Variants in FUBP1 observed in about 807,000 individuals in gnomAD.
The protein encoded by FUBP1 is far upstream element-binding protein 1.
Under a neutral mutation model 94.9 loss-of-function variants are expected in FUBP1, and 16 were observed. That is an observed-to-expected ratio of 0.17 (90% CI 0.11 to 0.26). FUBP1 has a LOEUF of 0.26. Ranked by LOEUF, FUBP1 falls within the 10% of genes least tolerant of loss-of-function variation. The pLI is 1.00. For missense variants in FUBP1, 583 were observed against 808.6 expected (o/e 0.72, Z 3.38); for synonymous variants, 279 against 254.9 (o/e 1.09, Z -0.90).
In FUBP1 at chr1:77,947,849, T is replaced by C. The variant is rs1431164676; in HGVS notation, c.*917A>G. ...TTCAATGGCAGATGCAATGTAGCTATACTTTTTGCACACTATTCACTTTTC... is the reference window on the plus strand; with the variant it reads ...TTCAATGGCAGATGCAATGTAGCTACACTTTTTGCACACTATTCACTTTTC... On this transcript the variant is annotated 3_prime_UTR_variant, in exon 20 of 20. Transcript: ENST00000370768. The C allele has an allele frequency of 8.9e-7, 1 of 1,127,412 alleles. No individual in the cohort carries two copies. 69.8% of individuals were successfully genotyped at this position (1,127,412 alleles called of 1,614,324 possible).
At position 77,979,029 on chromosome 1, in the gene FUBP1, G is replaced by T. The variant is rs1475479900; in HGVS notation, c.-25C>A. ...TGGTTGCACTATAAGAGCCGCTGCCGCCTGTTCAGAGACTTCCTCTCAGCT... is the reference window on the plus strand; with the variant it reads ...TGGTTGCACTATAAGAGCCGCTGCCTCCTGTTCAGAGACTTCCTCTCAGCT... On this transcript the variant is annotated 5_prime_UTR_variant, in exon 1 of 20. Coordinates refer to ENST00000370768, the MANE Select transcript of FUBP1 (RefSeq NM_003902.5). 1.3e-6 allele frequency: 2 copies of T among 1,589,172 alleles called. No homozygotes were observed. The highest frequency in any genetic ancestry group is 2.3e-5 in the East Asian group (1 of 44,106).
At chr1:77,958,074 T>C (rs1489188477) in intron 16 of FUBP1, among the ~76,000 whole-genome samples, 3 of 152,164 alleles carry the variant, frequency 2.0e-5, no homozygotes, top group South Asian at 2.1e-4. Flanking sequence ...TCACAGGTTT[T>C]AGCCATGGCG....
chr1:77,969,128 G>T, intron 2 of FUBP1: 1 of 711,120 alleles, frequency 1.4e-6, no homozygotes, highest in Non-Finnish European at 2.1e-6. Flanking sequence ...AACATCTGAA[G>T]CATCATTAGC....
Position 77,964,656 on chromosome 1 carries a change from T to A in FUBP1, c.827A>T (p.Glu276Val), listed in dbSNP as rs1181030736. The change falls in exon 10 of 20, where the codon GAA (glutamate) becomes GTA (valine). Residue 276 changes from glutamate (E) to valine (V), a missense_variant. Physicochemically the swap from Glu to Val is moderately radical, Grantham distance 121 (BLOSUM62 -2). Transcript: ENST00000370768. ...NEYGSRIGGN[E>V]GIDVPIPRFA... ...GGTATTTTTACTTACATCTATCCCT[T>A]CATTTCCTCCTATTCTTGACCCATA... 2.5e-6 allele frequency: 4 copies of A among 1,577,922 alleles called. No homozygotes were observed. Among genetic ancestry groups the A allele is most frequent in the Non-Finnish European group, 3.5e-6 (4 of 1,147,216 alleles).
At position 77,948,090 on chromosome 1, in the gene FUBP1, T is replaced by A; in HGVS notation, c.*676A>T. 9.7e-7 allele frequency: 1 copy of A among 1,033,548 alleles called. No homozygotes were observed. The highest frequency in any genetic ancestry group is 6.1e-5 in the East Asian group (1 of 16,492). 64.0% of individuals were successfully genotyped at this position (1,033,548 alleles called of 1,614,324 possible). A position where few individuals can be genotyped will look rare whatever the true frequency, so the allele number is the denominator to read the frequency against. On this transcript the variant is annotated 3_prime_UTR_variant, in exon 20 of 20. Transcript: ENST00000370768. Reference sequence around the variant, plus strand: ...CAGTACAGGTCTGAAACAGTGGTCATGTATAAAAGGAAATTTCACTGTTAA... The same window carrying A: ...CAGTACAGGTCTGAAACAGTGGTCAAGTATAAAAGGAAATTTCACTGTTAA...
intron 18 of FUBP1, among the ~76,000 whole-genome samples, chr1:77,950,308 CACCA>C (rs1352553957): frequency 6.6e-6 from 1 of 152,102 alleles, no homozygotes; most frequent in Non-Finnish European, 1.5e-5. Context: ...ACTACAGGCC[CACCA>C]TGCCTAGCTG....
chr1:77,959,447 T>C (rs567811268), intron 16 of FUBP1, among the ~76,000 whole-genome samples: 1 of 152,318 alleles, frequency 6.6e-6, no homozygotes, highest in South Asian at 2.1e-4. Flanking sequence ...TGAGGAGTAC[T>C]AGAACAGATA....
intron 18 of FUBP1, among the ~76,000 whole-genome samples, chr1:77,951,311 G>A (rs1653420532): frequency 6.6e-6 from 1 of 152,214 alleles, no homozygotes; most frequent in Admixed American, 6.5e-5. Context: ...TATCCCTGTG[G>A]AAAGCTAATA....
At chr1:77,967,236 G>A (rs1571324151) in intron 4 of FUBP1, 135 bp from the exon 5 acceptor site, 1 of 582,298 alleles carries the variant, frequency 1.7e-6, no homozygotes, top group Non-Finnish European at 3.0e-6. Context: ...TCAGACTCAT[G>A]TCAAAAAATA....
intron 1 of FUBP1, 77 bp from the exon 2 acceptor site, chr1:77,970,092 G>A (rs1657234424): frequency 3.2e-6 from 2 of 629,452 alleles, no homozygotes; most frequent in Non-Finnish European, 5.3e-6. Context: ...TTTACTTCCT[G>A]ATACATGTAT....
At chr1:77,964,221 G>A (rs781279542) in intron 11 of FUBP1, 33 bp downstream of exon 11, 2 of 1,533,760 alleles carry the variant, frequency 1.3e-6, no homozygotes, top group Non-Finnish European at 1.8e-6. Context: ...ACTCACTGCT[G>A]CCAACACTTA....
Position 77,949,165 on chromosome 1 carries a change from G to T in FUBP1, c.1916C>A (p.Pro639Gln). 6.2e-7 allele frequency: 1 copy of T among 1,612,590 alleles called. No homozygotes were observed. Among genetic ancestry groups the T allele is most frequent in the Non-Finnish European group, 8.5e-7 (1 of 1,178,894 alleles). ...TSPQGMPQHP[P>Q]APQGQ The stretch of plus-strand genomic sequence containing the variant: ...GCAATTACATTATACCTGAGGTGCT[G>T]GAGGATGCTGTGGCATTCCCTGGGG... The change falls in exon 19 of 20, where the codon CCA becomes CAA. Residue 639 changes from proline (P) to glutamine (Q), a missense_variant. Pro to Gln is a moderately conservative substitution (Grantham distance 76). Coordinates refer to ENST00000370768, the MANE Select transcript of FUBP1 (RefSeq NM_003902.5).
intron 18 of FUBP1, among the ~76,000 whole-genome samples, chr1:77,954,222 C>T (rs1654025617): frequency 6.6e-6 from 1 of 152,230 alleles, no homozygotes; most frequent in African/African-American, 2.4e-5. Context: ...TTATTAATAG[C>T]ATCCCTATTC....
chr1:77,968,660 A>G (rs1457466819), intron 2 of FUBP1, among the ~76,000 whole-genome samples: 1 of 151,838 alleles, frequency 6.6e-6, no homozygotes, highest in Non-Finnish European at 1.5e-5. Flanking sequence ...AAAAAACAAA[A>G]AAACCCCCCA....
chr1:77,977,355 CAAACAAAA>C (rs1187500676), intron 1 of FUBP1, among the ~76,000 whole-genome samples: 1 of 151,712 alleles, frequency 6.6e-6, no homozygotes, highest in Non-Finnish European at 1.5e-5. Flanking sequence ...AACAAACAAA[CAAACAAAA>C]AAAACACAAA....
intron 1 of FUBP1, among the ~76,000 whole-genome samples, chr1:77,976,396 T>C (rs953051460): frequency 6.6e-6 from 1 of 152,226 alleles, no homozygotes; most frequent in East Asian, 1.9e-4. Flanking sequence ...TCAGGACAAC[T>C]GATCTATTAG....
chr1:77,946,855 C>A lies in FUBP1; in HGVS notation c.*1911G>T, dbSNP rs1169614090. 3 of 204,042 alleles carry A rather than the reference C, an allele frequency of 1.5e-5. No individual in the cohort carries two copies. The highest frequency in any genetic ancestry group is 7.5e-5 in the East Asian group (1 of 13,272). The allele number at this position is 204,042 out of a possible 1,614,324, so 12.6% of individuals were successfully genotyped here. On this transcript the variant is annotated 3_prime_UTR_variant, in exon 20 of 20. Transcript: ENST00000370768. ...TCATACTAGAACTATATATGCAGAT[C>A]TAAATAAGGGTAAGGGAAGTCACTC...
Position 77,948,488 on chromosome 1 carries a change from A to G in FUBP1, c.*278T>C, listed in dbSNP as rs1652642321. On this transcript the variant is annotated 3_prime_UTR_variant, in exon 20 of 20. Transcript: ENST00000370768. The stretch of plus-strand genomic sequence containing the variant: ...CATTGAAAAAGTACATTTATATCAC[A>G]AAGCATCAACCACATAATTGCAAAT... 1 of 1,214,764 alleles carries G rather than the reference A, an allele frequency of 8.2e-7. No individual in the cohort carries two copies. The highest frequency in any genetic ancestry group is 1.0e-6 in the Non-Finnish European group (1 of 973,774). 75.2% of individuals were successfully genotyped at this position (1,214,764 alleles called of 1,614,324 possible). A position where few individuals can be genotyped will look rare whatever the true frequency, so the allele number is the denominator to read the frequency against.
chr1:77,973,854 A>T (rs988290365), intron 1 of FUBP1, among the ~76,000 whole-genome samples: 2 of 151,916 alleles, frequency 1.3e-5, no homozygotes, highest in South Asian at 2.1e-4. Flanking sequence ...TATTGGTTTA[A>T]TTTTTTTTAA....
Sources: allele counts gnomAD v4.1 joint callset (sites outside exome capture counted in the v4.1 genomes callset), GRCh38; gene constraint gnomAD v4.1.1; transcripts MANE v1.5; gene names NCBI Gene and HGNC (gene_info 2026-07-23, HGNC 2026-07-21).